PHF11: variants seen among roughly 807,000 people sequenced by gnomAD.
PHF11 encodes the protein PHD finger protein 11.
Under a neutral mutation model 40.5 loss-of-function variants are expected in PHF11, and 38 were observed. The ratio of observed to expected loss-of-function variants is 0.94; its 90% CI spans 0.72 to 1.23. The LOEUF (loss-of-function observed/expected upper bound fraction) is 1.23. PHF11 is among the 50% of genes most tolerant of loss of function. PHF11 has a pLI of 0.00. For synonymous variants in PHF11, 127 were observed against 138.2 expected (o/e 0.92, Z 0.57); for missense variants, 369 against 392.4 (o/e 0.94, Z 0.50).
In PHF11 at chr13:49,501,068, C is replaced by T. The variant is rs1423691661; in HGVS notation, c.94+4973C>T. ...TGTTCTCATCGCCTAGGCTGGAGTG[C>T]AATGGTGCGATCTCGGCTCACCGCA... is the stretch of plus-strand genomic sequence containing the variant. On this transcript the variant is annotated intron_variant, in intron 1 of 9. Transcript: ENST00000378319. 5.3e-5 allele frequency among the ~76,000 whole-genome samples: 7 copies of T among 131,092 alleles called. No individual in the cohort carries two copies. The Admixed American group carries it at 5.6e-4, about 11-fold the overall frequency. 86.0% of individuals were successfully genotyped at this position (131,092 alleles called of 152,430 possible).
intron 2 of PHF11, among the ~76,000 whole-genome samples, chr13:49,509,731 T>C (rs1015043810): frequency 2.6e-5 from 4 of 152,186 alleles, no homozygotes; most frequent in Non-Finnish European, 4.4e-5. Flanking sequence ...CAAAAATCTC[T>C]CTTGCCTGCT....
intron 1 of PHF11, chr13:49,496,405 C>T: frequency 9.0e-7 from 1 of 1,112,282 alleles, no homozygotes; most frequent in Non-Finnish European, 1.1e-6. Context: ...CCAGTGCTTC[C>T]ACCACAACCG....
intron 1 of PHF11, among the ~76,000 whole-genome samples, chr13:49,502,329 A>G (rs927871546): frequency 6.6e-6 from 1 of 151,832 alleles, no homozygotes; most frequent in Non-Finnish European, 1.5e-5. Context: ...TAATTAAAAT[A>G]AATTAAAATT....
At chr13:49,518,282 G>C in intron 4 of PHF11, 131 bp downstream of exon 4, 1 of 495,252 alleles carries the variant, frequency 2.0e-6, no homozygotes, top group Non-Finnish European at 3.5e-6. Flanking sequence ...CAGTTTGGGG[G>C]ATGCACAGGG....
Position 49,496,113 on chromosome 13 carries a change from G to A in PHF11, c.94+18G>A. On this transcript the variant is annotated intron_variant, in intron 1 of 9. Transcript: ENST00000378319. Reference sequence around the variant, plus strand: ...TCCCACCGGTGTGTACCGCGGGGGCGGGCGGGCGGGCGGGCGGGGCTGGGC... The same window carrying A: ...TCCCACCGGTGTGTACCGCGGGGGCAGGCGGGCGGGCGGGCGGGGCTGGGC... 2.0e-6 allele frequency: 2 copies of A among 988,298 alleles called. No individual in the cohort carries two copies. The highest frequency in any genetic ancestry group is 2.5e-6 in the Non-Finnish European group (2 of 814,936). 61.2% of individuals were successfully genotyped at this position (988,298 alleles called of 1,614,324 possible). A position where few individuals can be genotyped will look rare whatever the true frequency, so the allele number is the denominator to read the frequency against.
chr13:49,528,710 G>A lies in PHF11; in HGVS notation c.*45G>A. 1 of 1,442,292 alleles carries A rather than the reference G, an allele frequency of 6.9e-7. No individual in the cohort carries two copies. Among genetic ancestry groups the A allele is most frequent in the Non-Finnish European group, 9.5e-7 (1 of 1,052,356 alleles). 89.3% of individuals were successfully genotyped at this position (1,442,292 alleles called of 1,614,324 possible). On this transcript the variant is annotated 3_prime_UTR_variant, in exon 10 of 10. Coordinates refer to ENST00000378319, the MANE Select transcript of PHF11 (RefSeq NM_001040443.3). ...CAAGAGTCATGTCAAATTGCAATCAGGCTCAAAACCAGAGACCAGGCTGTG... is the reference window on the plus strand; with the variant it reads ...CAAGAGTCATGTCAAATTGCAATCAAGCTCAAAACCAGAGACCAGGCTGTG...
At chr13:49,524,568 A>ATG (rs1566197967) in intron 8 of PHF11, among the ~76,000 whole-genome samples, 1 of 150,864 alleles carries the variant, frequency 6.6e-6, no homozygotes, top group East Asian at 2.0e-4. Context: ...TCTGCCTCCC[A>ATG]AGTTCAAGCG....
At chr13:49,502,303 A>C (rs772740208) in intron 1 of PHF11, among the ~76,000 whole-genome samples, 1 of 151,754 alleles carries the variant, frequency 6.6e-6, no homozygotes, top group African/African-American at 2.4e-5. Flanking sequence ...CCCTGTCTCA[A>C]AATAAATAAA....
chr13:49,507,172 T>G (rs1225483769), intron 2 of PHF11, among the ~76,000 whole-genome samples: 1 of 152,120 alleles, frequency 6.6e-6, no homozygotes, highest in Non-Finnish European at 1.5e-5. Context: ...CCCAAAGTGC[T>G]GGGATTACAG....
At chr13:49,523,994 A>T in intron 7 of PHF11, 91 bp from the exon 8 acceptor site, 3 of 988,404 alleles carry the variant, frequency 3.0e-6, no homozygotes, top group Non-Finnish European at 4.5e-6. Context: ...TGCATCCACC[A>T]CTAGGCAAGG....
chr13:49,504,413 G>A (rs1355168116), intron 1 of PHF11, among the ~76,000 whole-genome samples: 2 of 152,102 alleles, frequency 1.3e-5, no homozygotes, highest in Admixed American at 6.5e-5. Flanking sequence ...CCATCATTGC[G>A]CCACTGCACT....
chr13:49,523,565 C>A, intron 7 of PHF11: 1 of 335,902 alleles, frequency 3.0e-6, no homozygotes, highest in South Asian at 3.9e-5. Flanking sequence ...GTTCTCTGTT[C>A]TTTAAAGAAA....
chr13:49,520,259 G>C (rs910970049), intron 4 of PHF11, among the ~76,000 whole-genome samples: 3 of 152,130 alleles, frequency 2.0e-5, no homozygotes, highest in Non-Finnish European at 4.4e-5. Context: ...ATGTTGGCCA[G>C]GAGGGTCTCC....
intron 2 of PHF11, among the ~76,000 whole-genome samples, chr13:49,507,091 G>T (rs1959010684): frequency 6.6e-6 from 1 of 151,842 alleles, no homozygotes; most frequent in Non-Finnish European, 1.5e-5. Flanking sequence ...ATTTTTAGTA[G>T]AGATGGGGTT....
In PHF11 at chr13:49,528,600, T is replaced by C. The variant is rs1200028129; in HGVS notation, c.931T>C (p.Cys311Arg). Residue 311 changes from cysteine (C) to arginine (R), a missense_variant, in exon 10 of 10, where the codon TGC becomes CGC. Cys to Arg is a radical substitution (Grantham distance 180). Coordinates refer to ENST00000378319, the MANE Select transcript of PHF11 (RefSeq NM_001040443.3). ...ELLQDLKQTL[C>R]SFQENRDLMS... The stretch of plus-strand genomic sequence containing the variant: ...ACTTCAGGACTTAAAACAAACCTTG[T>C]GCTCTTTTCAAGAAAATAGAGATCT... 36 of 1,611,258 alleles carry C rather than the reference T, an allele frequency of 2.2e-5. No homozygotes were observed. The highest frequency in any genetic ancestry group is 3.1e-5 in the Non-Finnish European group (36 of 1,177,678).
At chr13:49,501,023 T>TTTTTTTTG (rs1958899656) in intron 1 of PHF11, among the ~76,000 whole-genome samples, 2 of 147,242 alleles carry the variant, frequency 1.4e-5, no homozygotes, top group Non-Finnish European at 3.0e-5. Context: ...TTTGGTTTTT[T>TTTTTTTTG]TTTTTCTGAA....
At chr13:49,505,839 A>T (rs1487934573) in intron 1 of PHF11, among the ~76,000 whole-genome samples, 1 of 152,104 alleles carries the variant, frequency 6.6e-6, no homozygotes, top group Non-Finnish European at 1.5e-5. Flanking sequence ...CCTAATCATG[A>T]TATTGAATTA....
In PHF11 at chr13:49,510,303, G is replaced by A. The variant is rs1282728119; in HGVS notation, c.217-2756G>A. Among the ~76,000 whole-genome samples, 4 of 152,046 alleles carry A rather than the reference G, an allele frequency of 2.6e-5. No homozygotes were observed. In the East Asian group the frequency reaches 7.8e-4, roughly 30 times the overall value. ...AGCCTCCCAAATGCTGGAATTACAGGTGTGAGCCACCATACCTGGCCTAAT... is the reference window on the plus strand; with the variant it reads ...AGCCTCCCAAATGCTGGAATTACAGATGTGAGCCACCATACCTGGCCTAAT... On this transcript the variant is annotated intron_variant, in intron 2 of 9. Transcript: ENST00000378319.
At chr13:49,521,605 T>TTGAC (rs1224957196) in intron 5 of PHF11, 1 of 469,396 alleles carries the variant, frequency 2.1e-6, no homozygotes, top group African/African-American at 2.1e-5. Flanking sequence ...TCAGTGTTTA[T>TTGAC]TGACAGGGAA....
Sources: allele counts gnomAD v4.1 joint callset (sites outside exome capture counted in the v4.1 genomes callset), GRCh38; gene constraint gnomAD v4.1.1; transcripts MANE v1.5; gene names NCBI Gene and HGNC (gene_info 2026-07-23, HGNC 2026-07-21).